Variants in AGBL4 observed in about 807,000 individuals in gnomAD.
AGBL4 encodes the protein AGBL carboxypeptidase 4, also known as cytosolic carboxypeptidase 6.
In AGBL4, 58 loss-of-function variants were observed where a neutral mutation model predicts 66.4. The ratio of observed to expected loss-of-function variants is 0.87; its 90% CI spans 0.71 to 1.09. The LOEUF (loss-of-function observed/expected upper bound fraction) is 1.09. AGBL4 is among the 50% of genes least tolerant of loss of function. AGBL4 has a pLI of 0.00. For synonymous variants in AGBL4, 234 were observed against 222.9 expected (o/e 1.05, Z -0.44); for missense variants, 579 against 631.0 (o/e 0.92, Z 0.88).
At chr1:49,292,516 T>A (rs1383981943) in intron 3 of AGBL4, among the ~76,000 whole-genome samples, 1 of 152,068 alleles carries the variant, frequency 6.6e-6, no homozygotes, top group Non-Finnish European at 1.5e-5. Flanking sequence ...CTGAGGCCCA[T>A]AAAAGCCCTG....
intron 6 of AGBL4, among the ~76,000 whole-genome samples, chr1:48,756,577 C>G (rs1158369316): frequency 6.6e-6 from 1 of 152,206 alleles, no homozygotes; most frequent in African/African-American, 2.4e-5. Flanking sequence ...AGGACATGAG[C>G]TTCCCAAAGC....
chr1:49,172,018 T>C (rs2148165467), intron 4 of AGBL4, among the ~76,000 whole-genome samples: 1 of 152,252 alleles, frequency 6.6e-6, no homozygotes, highest in South Asian at 2.1e-4. Context: ...ATATTTAAAC[T>C]CAAAACAACT....
chr1:49,578,454 T>C (rs944930450), intron 3 of AGBL4, among the ~76,000 whole-genome samples: 2 of 152,176 alleles, frequency 1.3e-5, no homozygotes, highest in Non-Finnish European at 2.9e-5. Flanking sequence ...GCAAAAGGAA[T>C]ACAGAATGGG....
intron 3 of AGBL4, among the ~76,000 whole-genome samples, chr1:49,346,180 A>G (rs1238050310): frequency 6.6e-6 from 1 of 152,202 alleles, no homozygotes; most frequent in Non-Finnish European, 1.5e-5. Context: ...GACTAGAGAG[A>G]GGAAAATTAT....
At chr1:49,916,030 G>T (rs570532387) in intron 1 of AGBL4, among the ~76,000 whole-genome samples, 4 of 152,292 alleles carry the variant, frequency 2.6e-5, no homozygotes, top group African/African-American at 9.6e-5. Context: ...GGACCTGATT[G>T]TTAGAAGGAA....
intron 2 of AGBL4, among the ~76,000 whole-genome samples, chr1:49,794,457 G>A (rs1644681490): frequency 6.6e-6 from 1 of 151,896 alleles, no homozygotes; most frequent in Admixed American, 6.6e-5. Context: ...TTTTCAGAGA[G>A]GCAGTAACTT....
rs576812198 is a variant in AGBL4 at position 49,911,687 on chromosome 1, C to G, written c.35-60169G>C. Among the ~76,000 whole-genome samples, 127 of 152,292 alleles carry G rather than the reference C, an allele frequency of 8.3e-4. 1 individual carries two copies. The highest frequency in any genetic ancestry group is 2.9e-3 in the African/African-American group (121 of 41,568). Reference sequence around the variant, plus strand: ...ATGCCCAGGTGGCTGATCTGCCCCACAGAGTGTGCTTGCTGGTTCAAGCCT... The same window carrying G: ...ATGCCCAGGTGGCTGATCTGCCCCAGAGAGTGTGCTTGCTGGTTCAAGCCT... On this transcript the variant is annotated intron_variant, in intron 1 of 13. Transcript: ENST00000371839.
chr1:49,887,457 C>T lies in AGBL4; in HGVS notation c.35-35939G>A, dbSNP rs1004757186. On this transcript the variant is annotated intron_variant, in intron 1 of 13. Coordinates refer to ENST00000371839, the MANE Select transcript of AGBL4 (RefSeq NM_032785.4). ...ATAAGTTGTTCTAAAATGAAAGGCC[C>T]GGAGATTCAAAAGAACAGCTGGGAG... Among the ~76,000 whole-genome samples, 88 of 151,448 alleles carry T rather than the reference C, an allele frequency of 5.8e-4. 1 individual carries two copies. Among genetic ancestry groups the T allele is most frequent in the African/African-American group, 1.9e-3 (80 of 41,310 alleles).
At chr1:48,714,807 C>T (rs1034599584) in intron 6 of AGBL4, among the ~76,000 whole-genome samples, 1 of 152,212 alleles carries the variant, frequency 6.6e-6, no homozygotes, top group African/African-American at 2.4e-5. Flanking sequence ...CTGCTTGGAA[C>T]CCATGCTCCA....
At chr1:49,073,450 G>A (rs1469058376) in intron 4 of AGBL4, among the ~76,000 whole-genome samples, 2 of 150,826 alleles carry the variant, frequency 1.3e-5, no homozygotes, top group Non-Finnish European at 3.0e-5. Flanking sequence ...TGTCCTTTTT[G>A]TTGATGTTGA....
chr1:49,936,532 T>C (rs1385980676), intron 1 of AGBL4, among the ~76,000 whole-genome samples: 6 of 152,010 alleles, frequency 3.9e-5, no homozygotes, highest in Non-Finnish European at 8.8e-5. Flanking sequence ...GGACACATAA[T>C]TGTCAGATTC....
intron 3 of AGBL4, among the ~76,000 whole-genome samples, chr1:49,610,686 C>G (rs1369667758): frequency 6.6e-6 from 1 of 152,168 alleles, no homozygotes; most frequent in African/African-American, 2.4e-5. Flanking sequence ...AACACCTCAT[C>G]TATGAGGAAG....
At chr1:49,444,553 C>G (rs1380382524) in intron 3 of AGBL4, among the ~76,000 whole-genome samples, 1 of 150,424 alleles carries the variant, frequency 6.6e-6, no homozygotes, top group African/African-American at 2.4e-5. Flanking sequence ...TTTTACTGTT[C>G]TTGACTTAAA....
chr1:49,676,704 A>G (rs1646585438), intron 3 of AGBL4, among the ~76,000 whole-genome samples: 1 of 152,088 alleles, frequency 6.6e-6, no homozygotes, highest in Non-Finnish European at 1.5e-5. Flanking sequence ...AAAGATAGAG[A>G]ATGGTATTCA....
At chr1:49,464,868 C>T (rs2148704037) in intron 3 of AGBL4, among the ~76,000 whole-genome samples, 1 of 151,730 alleles carries the variant, frequency 6.6e-6, no homozygotes, top group Non-Finnish European at 1.5e-5. Flanking sequence ...GAAACTATGA[C>T]AAAACTGATG....
chr1:49,500,864 G>GTT (rs35710297), intron 3 of AGBL4, among the ~76,000 whole-genome samples: 1 of 151,634 alleles, frequency 6.6e-6, no homozygotes, highest in African/African-American at 2.4e-5. Context: ...AAAGCGGGCT[G>GTT]TTTTTAATTC....
chr1:49,997,748 A>C (rs1044770563), intron 1 of AGBL4, among the ~76,000 whole-genome samples: 7 of 152,202 alleles, frequency 4.6e-5, no homozygotes, highest in African/African-American at 1.4e-4. Flanking sequence ...TAACTGCAGA[A>C]TATACATTCT....
chr1:49,516,203 A>T (rs1255125575), intron 3 of AGBL4, among the ~76,000 whole-genome samples: 4 of 151,870 alleles, frequency 2.6e-5, no homozygotes, highest in Non-Finnish European at 5.9e-5. Flanking sequence ...ATCTCCAAGG[A>T]TCTCACAATA....
chr1:48,647,618 T>C (rs1439294400), intron 8 of AGBL4: 2 of 453,786 alleles, frequency 4.4e-6, no homozygotes, highest in Admixed American at 2.4e-5. Context: ...AATTAAGAAA[T>C]GCAAACCCAA....
Sources: gnomAD v4.1 joint callset for allele counts (sites outside exome capture counted in the v4.1 genomes callset) on GRCh38, gnomAD v4.1.1 for gene constraint, MANE v1.5 for transcripts, NCBI Gene and HGNC (gene_info 2026-07-23, HGNC 2026-07-21) for gene names.